Variants in LRRC4C observed in about 807,000 individuals in gnomAD.
LRRC4C encodes the protein leucine-rich repeat-containing protein 4C.
Under a neutral mutation model 33.6 loss-of-function variants are expected in LRRC4C, and 5 were observed. The observed-to-expected ratio is 0.15, with a 90% CI of 0.08 to 0.31. LRRC4C has a LOEUF of 0.31. Among genes scored for constraint, LRRC4C ranks in the 10% least tolerant of loss-of-function variants. LRRC4C has a pLI of 1.00. For missense variants in LRRC4C, 560 were observed against 796.7 expected (o/e 0.70, Z 3.58); for synonymous variants, 329 against 302.0 (o/e 1.09, Z -0.93).
intron 2 of LRRC4C, among the ~76,000 whole-genome samples, chr11:40,861,964 C>T (rs1954126530): frequency 1.3e-5 from 2 of 152,150 alleles, no homozygotes; most frequent in South Asian, 4.1e-4. Context: ...CACCTTCCAC[C>T]AGGTCCCACC....
At chr11:40,767,568 T>G (rs775532805) in intron 2 of LRRC4C, among the ~76,000 whole-genome samples, 1 of 152,014 alleles carries the variant, frequency 6.6e-6, no homozygotes, top group Non-Finnish European at 1.5e-5. Flanking sequence ...AGACCACATC[T>G]TCAGCCATAA....
At chr11:40,145,006 C>T (rs1042387598) in intron 5 of LRRC4C, among the ~76,000 whole-genome samples, 2 of 152,240 alleles carry the variant, frequency 1.3e-5, no homozygotes, top group South Asian at 2.1e-4. Flanking sequence ...TTTTCCAACT[C>T]GTACTTGCTT....
At chr11:41,441,359 G>A (rs1241894627) in intron 1 of LRRC4C, among the ~76,000 whole-genome samples, 1 of 152,070 alleles carries the variant, frequency 6.6e-6, no homozygotes, top group Non-Finnish European at 1.5e-5. Flanking sequence ...AGTCAGGGTG[G>A]CTGAGATAGG....
At chr11:41,396,143 A>AC (rs770759287) in intron 1 of LRRC4C, among the ~76,000 whole-genome samples, 103 of 151,592 alleles carry the variant, frequency 6.8e-4, no homozygotes, top group African/African-American at 2.4e-3. Flanking sequence ...AAAAGATTGG[A>AC]CCCCCCGTTG....
At position 40,871,849 on chromosome 11, in the gene LRRC4C, C is replaced by T. The variant is rs535971022; in HGVS notation, c.-407+61786G>A. ...GGGATGGAGAACTGCCCTACACACT[C>T]ATTGCACCTTCCTTGCCATGGATCT... On this transcript the variant is annotated intron_variant, in intron 2 of 6. Transcript: ENST00000528697. Among the ~76,000 whole-genome samples the T allele has an allele frequency of 1.1e-4, 17 of 152,278 alleles. No homozygotes were observed. The South Asian group carries it at 2.9e-3, about 26-fold the overall frequency.
chr11:40,947,425 C>T (rs1438502799), intron 1 of LRRC4C, among the ~76,000 whole-genome samples: 1 of 152,012 alleles, frequency 6.6e-6, no homozygotes, highest in Non-Finnish European at 1.5e-5. Context: ...CAGAGATGTG[C>T]CTATTTCAGG....
chr11:41,023,240 A>C (rs1856109152), intron 1 of LRRC4C, among the ~76,000 whole-genome samples: 1 of 151,884 alleles, frequency 6.6e-6, no homozygotes, highest in Non-Finnish European at 1.5e-5. Flanking sequence ...AAATTTAAAT[A>C]GAGAAACAAA....
intron 1 of LRRC4C, among the ~76,000 whole-genome samples, chr11:41,246,162 G>A (rs544769704): frequency 6.6e-6 from 1 of 152,110 alleles, no homozygotes; most frequent in African/African-American, 2.4e-5. Context: ...TGCCCAGGTT[G>A]TTCCTGCAGA....
chr11:40,720,120 C>T (rs2136671902), intron 2 of LRRC4C, among the ~76,000 whole-genome samples: 1 of 152,184 alleles, frequency 6.6e-6, no homozygotes, highest in Non-Finnish European at 1.5e-5. Context: ...TGTTTCTTTT[C>T]CCATCTCCCC....
At chr11:41,162,923 T>C (rs1340406331) in intron 1 of LRRC4C, among the ~76,000 whole-genome samples, 6 of 152,186 alleles carry the variant, frequency 3.9e-5, no homozygotes, top group African/African-American at 1.2e-4. Flanking sequence ...TTGGCACTGT[T>C]TCCCCACCCA....
intron 4 of LRRC4C, among the ~76,000 whole-genome samples, chr11:40,273,733 G>A (rs181896995): frequency 1.6e-4 from 24 of 152,214 alleles, no homozygotes; most frequent in African/African-American, 5.3e-4. Context: ...GTGACAAATG[G>A]CCAACATACC....
At chr11:41,255,349 C>A (rs1356782508) in intron 1 of LRRC4C, among the ~76,000 whole-genome samples, 1 of 151,932 alleles carries the variant, frequency 6.6e-6, no homozygotes, top group Non-Finnish European at 1.5e-5. Flanking sequence ...CTAATAAAAA[C>A]AAACACAATA....
chr11:40,892,732 T>C (rs1330079897), intron 2 of LRRC4C, among the ~76,000 whole-genome samples: 1 of 152,098 alleles, frequency 6.6e-6, no homozygotes, highest in African/African-American at 2.4e-5. Context: ...GTACCTAGAA[T>C]AGGAAAATAT....
Position 40,259,296 on chromosome 11 carries a change from A to G in LRRC4C, c.-175-17698T>C, listed in dbSNP as rs1590843022. 5.3e-5 allele frequency among the ~76,000 whole-genome samples: 8 copies of G among 151,862 alleles called. 2 individuals carry two copies. The highest frequency in any genetic ancestry group is 1.9e-4 in the African/African-American group (8 of 41,402). ...TTGTAAATTTGTTTGAGTTCATTGTAGATTCTGGATATTAGCCCTTTGTCA... is the reference window on the plus strand; with the variant it reads ...TTGTAAATTTGTTTGAGTTCATTGTGGATTCTGGATATTAGCCCTTTGTCA... On this transcript the variant is annotated intron_variant, in intron 4 of 6. Transcript: ENST00000528697.
chr11:40,397,345 C>T (rs565916447), intron 3 of LRRC4C, among the ~76,000 whole-genome samples: 1 of 152,038 alleles, frequency 6.6e-6, no homozygotes. Context: ...TTTAATATTG[C>T]TGGCAGTCAT....
In LRRC4C at chr11:41,092,835, AT is replaced by A. The variant is rs1342375026; in HGVS notation, c.-495-159113del. Among the ~76,000 whole-genome samples, 6 of 152,230 alleles carry A rather than the reference AT, an allele frequency of 3.9e-5. 1 individual carries two copies. The highest frequency in any genetic ancestry group is 3.9e-4 in the Admixed American group (6 of 15,272). On this transcript the variant is annotated intron_variant, in intron 1 of 6. Coordinates refer to ENST00000528697, the MANE Select transcript of LRRC4C (RefSeq NM_001258419.2). Reference sequence around the variant, plus strand: ...AACCTTCAGAATGCTGTTTATTGTTATGCCTCATGGCATGCAATGATGAAAT... The same window carrying A: ...AACCTTCAGAATGCTGTTTATTGTTAGCCTCATGGCATGCAATGATGAAAT...
At chr11:40,908,880 T>G (rs1956542585) in intron 2 of LRRC4C, among the ~76,000 whole-genome samples, 1 of 152,160 alleles carries the variant, frequency 6.6e-6, no homozygotes, top group Admixed American at 6.5e-5. Flanking sequence ...CAACAAACAT[T>G]TATTGAACTT....
At chr11:41,436,900 C>A (rs1955447483) in intron 1 of LRRC4C, among the ~76,000 whole-genome samples, 1 of 152,092 alleles carries the variant, frequency 6.6e-6, no homozygotes, top group African/African-American at 2.4e-5. Context: ...AAACAATCAC[C>A]AATATTTTTC....
intron 1 of LRRC4C, among the ~76,000 whole-genome samples, chr11:41,102,221 C>T (rs7101803): frequency 0.11 from 17,237 of 152,070 alleles, 1,056 homozygotes; most frequent in African/African-American, 0.17. Flanking sequence ...GTCATTAAAG[C>T]TGAGTCTAAA....
Sources: allele counts gnomAD v4.1 joint callset (sites outside exome capture counted in the v4.1 genomes callset), GRCh38; gene constraint gnomAD v4.1.1; transcripts MANE v1.5; gene names NCBI Gene and HGNC (gene_info 2026-07-23, HGNC 2026-07-21).